CCBE1: variants seen among roughly 807,000 people sequenced by gnomAD.
CCBE1 encodes the protein collagen and calcium binding EGF domains 1.
In CCBE1, 37 loss-of-function variants were observed where a neutral mutation model predicts 50.0. The observed-to-expected ratio is 0.74, with a 90% CI of 0.57 to 0.97. The LOEUF is 0.97. CCBE1 is among the 50% of genes least tolerant of loss of function. CCBE1 has a pLI of 0.00. For missense variants in CCBE1, 538 were observed against 523.8 expected (o/e 1.03, Z -0.26); for synonymous variants, 234 against 203.7 (o/e 1.15, Z -1.27).
chr18:59,564,743 A>C (rs2052794126), intron 2 of CCBE1, among the ~76,000 whole-genome samples: 2 of 152,242 alleles, frequency 1.3e-5, no homozygotes, highest in South Asian at 4.1e-4. Context: ...CACTGAGGCC[A>C]TATGAGGTTG....
At chr18:59,552,701 A>G (rs576291003) in intron 2 of CCBE1, among the ~76,000 whole-genome samples, 1 of 152,348 alleles carries the variant, frequency 6.6e-6, no homozygotes, top group South Asian at 2.1e-4. Flanking sequence ...GGTCAAATTC[A>G]TTTATCATAA....
chr18:59,525,047 G>A (rs926999417), intron 2 of CCBE1, among the ~76,000 whole-genome samples: 1 of 152,178 alleles, frequency 6.6e-6, no homozygotes, highest in Non-Finnish European at 1.5e-5. Context: ...ACATGTGCAT[G>A]TATCTTTATA....
chr18:59,605,597 C>T (rs2053487384), intron 2 of CCBE1, among the ~76,000 whole-genome samples: 1 of 152,164 alleles, frequency 6.6e-6, no homozygotes, highest in African/African-American at 2.4e-5. Flanking sequence ...TATGCTAAAG[C>T]TTTGCTGGAA....
At chr18:59,558,295 C>G (rs1387866758) in intron 2 of CCBE1, among the ~76,000 whole-genome samples, 2 of 152,184 alleles carry the variant, frequency 1.3e-5, no homozygotes, top group East Asian at 3.8e-4. Flanking sequence ...TTCAGAAGAA[C>G]AGGACTCCTT....
intron 2 of CCBE1, among the ~76,000 whole-genome samples, chr18:59,529,177 T>TC (rs59637542): frequency 0.34 from 51,955 of 152,042 alleles, 9,160 homozygotes; most frequent in African/African-American, 0.38. Flanking sequence ...GTTGCTGAAA[T>TC]CCCCACAGGG....
chr18:59,543,634 G>C (rs1481615750), intron 2 of CCBE1, among the ~76,000 whole-genome samples: 2 of 152,124 alleles, frequency 1.3e-5, no homozygotes, highest in Non-Finnish European at 2.9e-5. Context: ...AGGAGATCGA[G>C]AACATCCTGG....
intron 2 of CCBE1, among the ~76,000 whole-genome samples, chr18:59,690,968 C>T (rs2054723036): frequency 6.6e-6 from 1 of 152,180 alleles, no homozygotes; most frequent in Non-Finnish European, 1.5e-5. Flanking sequence ...TACACATTAG[C>T]AATTAAAGTT....
At chr18:59,478,934 G>T (rs1912439147) in intron 3 of CCBE1, among the ~76,000 whole-genome samples, 1 of 152,204 alleles carries the variant, frequency 6.6e-6, no homozygotes, top group African/African-American at 2.4e-5. Context: ...ATCACACGTG[G>T]AGCGATTCCC....
chr18:59,460,792 G>A (rs1160602498), intron 5 of CCBE1, among the ~76,000 whole-genome samples: 2 of 152,014 alleles, frequency 1.3e-5, no homozygotes, highest in Non-Finnish European at 2.9e-5. Context: ...AGGTTTAGCT[G>A]GGCATGGTGG....
chr18:59,498,155 A>T (rs991030361), intron 2 of CCBE1, among the ~76,000 whole-genome samples: 1 of 151,792 alleles, frequency 6.6e-6, no homozygotes, highest in Non-Finnish European at 1.5e-5. Flanking sequence ...TTCCTTCACT[A>T]TGGAGATTCA....
intron 2 of CCBE1, among the ~76,000 whole-genome samples, chr18:59,512,106 T>C (rs1914157788): frequency 6.6e-6 from 1 of 152,098 alleles, no homozygotes; most frequent in African/African-American, 2.4e-5. Flanking sequence ...AGTAGCGGTG[T>C]GATATGGAAG....
At chr18:59,454,802 A>G (rs1289879362) in intron 6 of CCBE1, 49 bp downstream of exon 6, 5 of 1,498,942 alleles carry the variant, frequency 3.3e-6, no homozygotes, top group Non-Finnish European at 4.7e-6. Flanking sequence ...GGCCTTGGCC[A>G]AGCCCTCCTT....
intron 2 of CCBE1, among the ~76,000 whole-genome samples, chr18:59,554,003 G>A (rs1916021173): frequency 6.6e-6 from 1 of 152,130 alleles, no homozygotes; most frequent in South Asian, 2.1e-4. Flanking sequence ...AAGATAGAGT[G>A]TACTTTTTGT....
At chr18:59,437,475 C>T (rs1410923674) in intron 10 of CCBE1, among the ~76,000 whole-genome samples, 2 of 152,218 alleles carry the variant, frequency 1.3e-5, no homozygotes, top group African/African-American at 4.8e-5. Flanking sequence ...GGTCAGAAAG[C>T]CAGCAGGTAG....
At chr18:59,680,299 T>G (rs2054569922) in intron 2 of CCBE1, among the ~76,000 whole-genome samples, 1 of 151,904 alleles carries the variant, frequency 6.6e-6, no homozygotes, top group South Asian at 2.1e-4. Context: ...GGGGTGACTT[T>G]GAATAGAATG....
intron 3 of CCBE1, among the ~76,000 whole-genome samples, chr18:59,479,057 G>T (rs1274912819): frequency 2.6e-5 from 4 of 152,206 alleles, no homozygotes; most frequent in African/African-American, 4.8e-5. Context: ...GTTTCTAACT[G>T]ATCAAAAATG....
At chr18:59,696,800 G>C (rs972927589) in intron 1 of CCBE1, 91 bp from the exon 2 acceptor site, 6 of 1,374,642 alleles carry the variant, frequency 4.4e-6, no homozygotes, top group Non-Finnish European at 6.2e-6. Flanking sequence ...CGTGGGGATC[G>C]CCAGGCTCCC....
intron 2 of CCBE1, among the ~76,000 whole-genome samples, chr18:59,575,820 G>T (rs2052986495): frequency 6.6e-6 from 1 of 152,170 alleles, no homozygotes; most frequent in Non-Finnish European, 1.5e-5. Flanking sequence ...GTCATACTGG[G>T]TAAGAGCCCC....
intron 2 of CCBE1, among the ~76,000 whole-genome samples, chr18:59,500,558 A>ACCCT: frequency 6.6e-6 from 1 of 152,144 alleles, no homozygotes; most frequent in Admixed American, 6.5e-5. Flanking sequence ...TGTCAATGAC[A>ACCCT]CCCTCCAAAG....
Sources: allele counts gnomAD v4.1 joint callset (sites outside exome capture counted in the v4.1 genomes callset), GRCh38; gene constraint gnomAD v4.1.1; transcripts MANE v1.5; gene names NCBI Gene and HGNC (gene_info 2026-07-23, HGNC 2026-07-21).